Variants in HTT observed in about 807,000 individuals in gnomAD.
HTT encodes the protein huntingtin.
In HTT, 104 loss-of-function variants were observed where a neutral mutation model predicts 362.3. The ratio of observed to expected loss-of-function variants is 0.29; its 90% CI spans 0.24 to 0.34. The LOEUF is 0.34. Among genes scored for constraint, HTT ranks in the 10% least tolerant of loss-of-function variants. The pLI, the probability that HTT is intolerant of heterozygous loss-of-function variation, is 1.00. For missense variants in HTT, 3,301 were observed against 3,928.6 expected (o/e 0.84, Z 4.27); for synonymous variants, 1,577 against 1,548.7 (o/e 1.02, Z -0.43).
chr4:3,130,110 A>G (rs960577250), intron 13 of HTT, 63 bp downstream of exon 13: 4 of 1,479,110 alleles, frequency 2.7e-6, no homozygotes, highest in African/African-American at 2.8e-5. Context: ...CATCTTAATT[A>G]TATCTTTGCT....
At chr4:3,096,445 G>T (rs1283526200) in intron 2 of HTT, among the ~76,000 whole-genome samples, 3 of 152,206 alleles carry the variant, frequency 2.0e-5, no homozygotes, top group Non-Finnish European at 4.4e-5. Context: ...CAGAATGTTT[G>T]CCAAGATAGA....
chr4:3,108,388 C>T (rs933283236), intron 6 of HTT, among the ~76,000 whole-genome samples: 2 of 151,010 alleles, frequency 1.3e-5, no homozygotes, highest in Non-Finnish European at 2.9e-5. Context: ...TGTAATATTT[C>T]TTCATGCTCA....
chr4:3,135,979 A>G lies in HTT; in HGVS notation c.2697+12A>G. On this transcript the variant is annotated intron_variant, in intron 20 of 66. Transcript: ENST00000355072. ...ATCATTATACAGGGGTAAGCGGTTT[A>G]TTTTTGTGAGATGCTGTTTTACCTT... 1 of 1,571,776 alleles carries G rather than the reference A, an allele frequency of 6.4e-7. No homozygotes were observed.
chr4:3,234,660 C>T (rs1007216948), intron 61 of HTT, among the ~76,000 whole-genome samples: 19 of 152,196 alleles, frequency 1.2e-4, no homozygotes, highest in African/African-American at 4.3e-4. Context: ...AGAAATGGTG[C>T]GTGGGGCTGA....
At chr4:3,092,617 A>G (rs906911749) in intron 2 of HTT, among the ~76,000 whole-genome samples, 3 of 152,170 alleles carry the variant, frequency 2.0e-5, no homozygotes, top group African/African-American at 7.2e-5. Context: ...CCTGGGCCCA[A>G]GTGATCCTCC....
intron 29 of HTT, among the ~76,000 whole-genome samples, chr4:3,168,561 A>G (rs534419395): frequency 6.6e-6 from 1 of 152,124 alleles, no homozygotes; most frequent in East Asian, 1.9e-4. Flanking sequence ...TTTATTCCAT[A>G]CTCATTTTTA....
chr4:3,219,349 A>G (rs1306595369), intron 52 of HTT, among the ~76,000 whole-genome samples: 1 of 152,194 alleles, frequency 6.6e-6, no homozygotes, highest in African/African-American at 2.4e-5. Context: ...AGGATAGGCC[A>G]GGACGGGCTG....
intron 2 of HTT, among the ~76,000 whole-genome samples, chr4:3,094,526 C>T (rs369126118): frequency 9.0e-5 from 13 of 143,716 alleles, no homozygotes; most frequent in South Asian, 4.5e-4. Flanking sequence ...CCAGACGGGG[C>T]GGCGGCTGGG....
intron 1 of HTT, among the ~76,000 whole-genome samples, chr4:3,080,701 C>A (rs1019239967): frequency 6.6e-6 from 1 of 152,160 alleles, no homozygotes; most frequent in Admixed American, 6.5e-5. Flanking sequence ...AGGTTTACTC[C>A]TATGTTTTCT....
chr4:3,219,709 T>C (rs1720588872), intron 52 of HTT, among the ~76,000 whole-genome samples: 1 of 152,238 alleles, frequency 6.6e-6, no homozygotes, highest in African/African-American at 2.4e-5. Flanking sequence ...CTCTGGATTC[T>C]TCTGTGCATG....
Position 3,235,497 on chromosome 4 carries a change from G to A in HTT, c.8572-68G>A, listed in dbSNP as rs537938413. ...CCAGTGGGCCAGTTTTGACTTGGTC[G>A]GGAGGAGGCATGAACACCTGAGACT... is the stretch of plus-strand genomic sequence containing the variant. On this transcript the variant is annotated intron_variant, in intron 62 of 66. Coordinates refer to ENST00000355072, the MANE Select transcript of HTT (RefSeq NM_001388492.1). 5.1e-5 allele frequency: 79 copies of A among 1,546,860 alleles called. 1 individual carries two copies. The highest frequency in any genetic ancestry group is 5.0e-4 in the Middle Eastern group (3 of 5,944).
At position 3,127,383 on chromosome 4, in the gene HTT, G is replaced by A. The variant is rs1715569000; in HGVS notation, c.1522G>A (p.Asp508Asn). ...QPRSQHTLQADSVDLASCDLT... is the reference protein window; with the variant it reads ...QPRSQHTLQANSVDLASCDLT... ...ACGGTCACAGCACACACTGCAGGCG[G>A]ACTCAGTGGATCTGGCCAGCTGTGA... The change falls in exon 12 of 67, where the codon GAC (aspartate) becomes AAC (asparagine). Residue 508 changes from aspartate (D) to asparagine (N), a missense_variant. By Grantham distance (23) the Asp-to-Asn change is conservative. Around this residue, in one of 4 missense-constraint regions of HTT, gnomAD observed 2,316 missense variants for 2,658.5 expected, o/e 0.87. Transcript: ENST00000355072. The A allele has an allele frequency of 1.9e-6, 3 of 1,614,064 alleles. No individual in the cohort carries two copies. The highest frequency in any genetic ancestry group is 1.7e-6 in the Non-Finnish European group (2 of 1,180,032).
chr4:3,111,348 C>G (rs1200007935), intron 6 of HTT, among the ~76,000 whole-genome samples: 2 of 152,124 alleles, frequency 1.3e-5, no homozygotes, highest in Non-Finnish European at 2.9e-5. Context: ...TGTGCACCAC[C>G]ATGCCCGGCT....
intron 64 of HTT, among the ~76,000 whole-genome samples, chr4:3,237,882 T>C (rs1011009339): frequency 3.3e-5 from 5 of 152,144 alleles, no homozygotes; most frequent in Non-Finnish European, 5.9e-5. Context: ...GATGGGGCCC[T>C]GTGTGGTAAC....
chr4:3,111,788 A>G (rs1714764954), intron 6 of HTT, among the ~76,000 whole-genome samples: 1 of 152,110 alleles, frequency 6.6e-6, no homozygotes, highest in Admixed American at 6.6e-5. Flanking sequence ...ATTGGAGGGA[A>G]GACCTCAGGT....
In HTT at chr4:3,198,646, C is replaced by G. The variant is rs140044207; in HGVS notation, c.5369-1086C>G. Among the ~76,000 whole-genome samples the G allele has an allele frequency of 1.7e-3, 265 of 152,354 alleles. 2 individuals carry two copies. The highest frequency in any genetic ancestry group is 3.0e-3 in the Admixed American group (46 of 15,302). On this transcript the variant is annotated intron_variant, in intron 40 of 66. Coordinates refer to ENST00000355072, the MANE Select transcript of HTT (RefSeq NM_001388492.1). ...CTGTTTCCCAAGTCTTGCTGCCTCT[C>G]CCTGCTGGGCTTTGCAGCCTGTGCA...
chr4:3,090,466 T>C (rs1273818398), intron 2 of HTT, among the ~76,000 whole-genome samples: 1 of 152,182 alleles, frequency 6.6e-6, no homozygotes, highest in East Asian at 1.9e-4. Context: ...CTTACTAATA[T>C]GTACCTTGAT....
chr4:3,156,426 G>A (rs970869981), intron 27 of HTT, among the ~76,000 whole-genome samples: 3 of 152,112 alleles, frequency 2.0e-5, no homozygotes, highest in Non-Finnish European at 2.9e-5. Context: ...GGCCTCAAGC[G>A]TTTTAAAAGA....
At chr4:3,090,591 C>T (rs1018494559) in intron 2 of HTT, among the ~76,000 whole-genome samples, 5 of 152,050 alleles carry the variant, frequency 3.3e-5, no homozygotes, top group African/African-American at 4.8e-5. Flanking sequence ...ACCAATATAT[C>T]GAACTCTAAG....
Sources: allele counts gnomAD v4.1 joint callset (sites outside exome capture counted in the v4.1 genomes callset), GRCh38; gene constraint gnomAD v4.1.1; regional missense constraint gnomAD v4.1.1; transcripts MANE v1.5; gene names NCBI Gene and HGNC (gene_info 2026-07-23, HGNC 2026-07-21).